C5: variants seen among roughly 807,000 people sequenced by gnomAD.
C5 encodes the protein complement C5, also known as C3 and PZP-like alpha-2-macroglobulin domain-containing protein 4.
Under a neutral mutation model 218.8 loss-of-function variants are expected in C5, and 140 were observed. That is an observed-to-expected ratio of 0.64 (90% CI 0.56 to 0.74). C5 has a LOEUF of 0.74. Ranked by LOEUF, C5 falls within the 30% of genes least tolerant of loss-of-function variation. The probability of loss-of-function intolerance (pLI) is 0.00; values close to 1 mark genes in which losing one functional copy is unlikely to be tolerated. For synonymous variants in C5, 614 were observed against 682.3 expected, an observed-to-expected ratio of 0.90 and a Z score of 1.56; for missense variants, 1,700 against 1,969.6, an observed-to-expected ratio of 0.86 and a Z score of 2.59.
chr9:121,017,777 T>C lies in C5; in HGVS notation c.1582A>G (p.Ile528Val). ...FSDASYQSIN[I>V]PVTQNMVPSS... is the part of the protein sequence containing the mutation. ...GGAACCATGTTCTGTGTTACTGGAA[T>C]GTTTATACTTTGATAAGATGCATCT... is the stretch of plus-strand genomic sequence containing the variant. Residue 528 changes from isoleucine (I) to valine (V), a missense_variant, in exon 13 of 41, where the codon ATT becomes GTT. Transcript: ENST00000223642. 1 of 1,613,804 alleles carries C rather than the reference T, an allele frequency of 6.2e-7. No individual in the cohort carries two copies. Among genetic ancestry groups the C allele is most frequent in the Non-Finnish European group, 8.5e-7 (1 of 1,179,734 alleles).
At chr9:121,059,924 AAG>A in the C5 span, among the ~76,000 whole-genome samples, 2 of 152,156 alleles carry the variant, frequency 1.3e-5, no homozygotes, top group Non-Finnish European at 2.9e-5. The surrounding 1 kb of genome is among the most constrained non-coding windows in gnomAD (Gnocchi z 4.1). Flanking sequence ...GCAACCTCAT[AAG>A]AGAACCTAAC....
chr9:121,074,333 A>AT, the C5 span, among the ~76,000 whole-genome samples: 1 of 152,252 alleles, frequency 6.6e-6, no homozygotes, highest in African/African-American at 2.4e-5. Flanking sequence ...CAAGCCCCAG[A>AT]TGAAGCCTGT....
chr9:121,052,393 G>T (rs1044850250), upstream of C5, among the ~76,000 whole-genome samples: 2 of 149,656 alleles, frequency 1.3e-5, no homozygotes, highest in African/African-American at 4.9e-5. Flanking sequence ...GGAGGTGGAG[G>T]TTGAGCACAG....
chr9:121,008,927 C>CACAAACAAACAAACAA (rs60617637), intron 17 of C5, among the ~76,000 whole-genome samples: 138 of 150,430 alleles, frequency 9.2e-4, no homozygotes, highest in African/African-American at 1.6e-3. Context: ...GAGACTCTGT[C>CACAAACAAACAAACAA]ACAAACAAAC....
At chr9:121,070,055 T>C in the C5 span, among the ~76,000 whole-genome samples, 1 of 151,878 alleles carries the variant, frequency 6.6e-6, no homozygotes, top group Non-Finnish European at 1.5e-5. Flanking sequence ...GTCCAACAGA[T>C]GAATGGATAA....
chr9:120,963,593 G>T, intron 34 of C5, 43 bp downstream of exon 34: 3 of 1,303,188 alleles, frequency 2.3e-6, no homozygotes, highest in South Asian at 2.4e-5. Context: ...ATTCAGAAAA[G>T]AAAATGAAGC....
At chr9:121,034,767 C>G (rs1260065169) in intron 5 of C5, 36 bp downstream of exon 5, 1 of 1,177,422 alleles carries the variant, frequency 8.5e-7, no homozygotes, top group Non-Finnish European at 1.3e-6. Flanking sequence ...ACCAAAAGTT[C>G]CGTATGTGGT....
upstream of C5, among the ~76,000 whole-genome samples, chr9:121,054,740 A>G (rs1431229456): frequency 6.6e-6 from 1 of 152,222 alleles, no homozygotes; most frequent in Non-Finnish European, 1.5e-5. Context: ...TATTTGACAT[A>G]TTTTGAAATG....
At chr9:120,988,741 A>G (rs1215911656) in intron 25 of C5, among the ~76,000 whole-genome samples, 1 of 152,218 alleles carries the variant, frequency 6.6e-6, no homozygotes, top group Non-Finnish European at 1.5e-5. Flanking sequence ...TGTGTTGAGT[A>G]TATACTGAAG....
At chr9:120,963,862 A>G in intron 33 of C5, 124 bp from the exon 34 acceptor site, 2 of 700,860 alleles carry the variant, frequency 2.9e-6, no homozygotes, top group East Asian at 2.8e-5. Flanking sequence ...CTTTTCTACA[A>G]TGTATGGGTT....
In C5 at chr9:120,962,974, G is replaced by C. The variant is rs574469025; in HGVS notation, c.4324-7C>G. ...GATCCACCCCTTCCACAAGCTAAGG[G>C]GGAAAAGAGAGAAGCTTGAATTTCA... On this transcript the variant is annotated splice_polypyrimidine_tract_variant and splice_region_variant and intron_variant, in intron 34 of 40. Coordinates refer to ENST00000223642, the MANE Select transcript of C5 (RefSeq NM_001735.3). The C allele has an allele frequency of 6.2e-7, 1 of 1,608,438 alleles. No individual in the cohort carries two copies.
intron 20 of C5, among the ~76,000 whole-genome samples, chr9:121,003,827 A>G (rs1380880080): frequency 6.6e-6 from 1 of 152,212 alleles, no homozygotes; most frequent in African/African-American, 2.4e-5. Flanking sequence ...TTTATCCATA[A>G]CTATTAAGCC....
At chr9:120,959,612 GCT>G (rs145550649) in intron 38 of C5, among the ~76,000 whole-genome samples, 1 of 151,578 alleles carries the variant, frequency 6.6e-6, no homozygotes, top group African/African-American at 2.4e-5. Flanking sequence ...TGTACAATAT[GCT>G]CTCTCTCTCT....
chr9:120,999,828 G>A, intron 20 of C5: 1 of 423,704 alleles, frequency 2.4e-6, no homozygotes, highest in South Asian at 1.6e-5. Flanking sequence ...ATTTTGATAT[G>A]ATGGAAATGC....
chr9:121,064,181 T>A, the C5 span, among the ~76,000 whole-genome samples: 1 of 152,182 alleles, frequency 6.6e-6, no homozygotes, highest in African/African-American at 2.4e-5. Context: ...CCATTTCTTT[T>A]CTCTGTAATA....
At chr9:121,024,564 A>G (rs2131783217) in intron 9 of C5, among the ~76,000 whole-genome samples, 1 of 152,210 alleles carries the variant, frequency 6.6e-6, no homozygotes, top group Non-Finnish European at 1.5e-5. Flanking sequence ...CTGTCCTCAA[A>G]GATTAAGCTT....
chr9:121,065,897 A>C, the C5 span, among the ~76,000 whole-genome samples: 2 of 152,242 alleles, frequency 1.3e-5, no homozygotes, highest in Non-Finnish European at 2.9e-5. Flanking sequence ...AAGAAACTGT[A>C]AGAAAACATA....
intron 19 of C5, 118 bp from the exon 20 acceptor site, chr9:121,006,176 T>C: frequency 1.1e-6 from 1 of 944,118 alleles, no homozygotes. Flanking sequence ...TTAGATCATG[T>C]TTTTCTCTGA....
rs754190303 is a variant in C5 at position 121,050,247 on chromosome 9, G to A, written c.-1C>T. The A allele has an allele frequency of 6.2e-6, 10 of 1,613,342 alleles. No homozygotes were observed. Among genetic ancestry groups the A allele is most frequent in the South Asian group, 4.4e-5 (4 of 91,068 alleles). On this transcript the variant is annotated 5_prime_UTR_variant, in exon 1 of 41. Coordinates refer to ENST00000223642, the MANE Select transcript of C5 (RefSeq NM_001735.3). ...AACAAAGTATTCCCAAAAGGCCCAT[G>A]GTTGGAGGTAGCAGGAAACCACGGA...
Sources: allele counts gnomAD v4.1 joint callset (sites outside exome capture counted in the v4.1 genomes callset), GRCh38; gene constraint gnomAD v4.1.1; non-coding constraint Gnocchi (gnomAD v3.1); transcripts MANE v1.5; gene names NCBI Gene and HGNC (gene_info 2026-07-23, HGNC 2026-07-21).